Variants in MECOM observed in about 807,000 individuals in gnomAD.
MECOM encodes the protein histone-lysine N-methyltransferase MECOM.
A neutral mutation model predicts 116.3 loss-of-function variants in MECOM; 13 were observed. The ratio of observed to expected loss-of-function variants is 0.11; its 90% CI spans 0.07 to 0.18. The LOEUF is 0.18. Ranked by LOEUF, MECOM falls within the 10% of genes least tolerant of loss-of-function variation. The probability of loss-of-function intolerance (pLI) is 1.00; values close to 1 mark genes in which losing one functional copy is unlikely to be tolerated. For synonymous variants in MECOM, 528 were observed against 535.2 expected, an observed-to-expected ratio of 0.99 and a Z score of 0.19; for missense variants, 1,299 against 1,509.0, an observed-to-expected ratio of 0.86 and a Z score of 2.31.
intron 2 of MECOM, among the ~76,000 whole-genome samples, chr3:169,189,731 G>A (rs553477091): frequency 3.9e-5 from 6 of 152,036 alleles, no homozygotes; most frequent in South Asian, 4.1e-4. Context: ...CTAAAAGACC[G>A]CTATGTATTA....
At chr3:169,318,932 C>T (rs889361657) in intron 2 of MECOM, among the ~76,000 whole-genome samples, 20 of 151,932 alleles carry the variant, frequency 1.3e-4, no homozygotes, top group South Asian at 6.3e-4. Flanking sequence ...AACCTCGTCG[C>T]TATTAAAAAT....
chr3:169,403,318 G>A (rs981146365), intron 1 of MECOM, among the ~76,000 whole-genome samples: 5 of 152,254 alleles, frequency 3.3e-5, no homozygotes, highest in African/African-American at 9.6e-5. Context: ...AGGGAAAACA[G>A]ACAGAGGGTA....
intron 2 of MECOM, among the ~76,000 whole-genome samples, chr3:169,194,127 T>C (rs1434869252): frequency 6.6e-6 from 1 of 151,992 alleles, no homozygotes; most frequent in East Asian, 1.9e-4. Context: ...CCTTTCAAGA[T>C]GAATAAGCAT....
chr3:169,185,065 T>C (rs1020726637), intron 2 of MECOM, among the ~76,000 whole-genome samples: 2 of 152,188 alleles, frequency 1.3e-5, no homozygotes, highest in African/African-American at 2.4e-5. Context: ...TATATTTCAC[T>C]TTATTTGACG....
chr3:169,567,279 T>G lies in MECOM; in HGVS notation c.37+96057A>C, dbSNP rs113400929. ...CTTAGGATAAGAACCTTAGAATAACTTCTAGTCCAAACCCTTGTTTGACAG... is the reference window on the plus strand; with the variant it reads ...CTTAGGATAAGAACCTTAGAATAACGTCTAGTCCAAACCCTTGTTTGACAG... On this transcript the variant is annotated intron_variant, in intron 1 of 16. Transcript: ENST00000651503. Among the ~76,000 whole-genome samples the G allele has an allele frequency of 4.2e-3, 634 of 152,348 alleles. 8 individuals are homozygous for G. The highest frequency in any genetic ancestry group is 0.015 in the African/African-American group (612 of 41,574).
intron 1 of MECOM, among the ~76,000 whole-genome samples, chr3:169,383,111 G>A (rs448378): frequency 0.53 from 80,962 of 151,756 alleles, 22,034 homozygotes; most frequent in East Asian, 0.87. Flanking sequence ...TATTGTAACA[G>A]ACTATAACAC....
At chr3:169,418,429 T>G (rs921380756) in intron 1 of MECOM, among the ~76,000 whole-genome samples, 1 of 152,174 alleles carries the variant, frequency 6.6e-6, no homozygotes, top group Non-Finnish European at 1.5e-5. Flanking sequence ...TACAAAAACC[T>G]GGTAGAGACA....
At chr3:169,242,980 C>T (rs560170453) in intron 2 of MECOM, among the ~76,000 whole-genome samples, 2 of 152,072 alleles carry the variant, frequency 1.3e-5, no homozygotes, top group South Asian at 2.1e-4. Context: ...CCTTTTACTC[C>T]TATTCCAGCA....
chr3:169,543,673 T>G (rs1760375845), intron 1 of MECOM, among the ~76,000 whole-genome samples: 1 of 152,214 alleles, frequency 6.6e-6, no homozygotes, highest in African/African-American at 2.4e-5. Flanking sequence ...ATGTGTTCAT[T>G]TTATATTTTA....
At chr3:169,652,369 T>C (rs1330260371) in intron 1 of MECOM, among the ~76,000 whole-genome samples, 2 of 152,210 alleles carry the variant, frequency 1.3e-5, no homozygotes, top group East Asian at 3.8e-4. Context: ...GTAAAGTCTA[T>C]GCTAAGCATA....
chr3:169,224,821 C>T (rs953543258), intron 2 of MECOM, among the ~76,000 whole-genome samples: 4 of 152,278 alleles, frequency 2.6e-5, no homozygotes, highest in Middle Eastern at 6.8e-3. Context: ...GTAAGACCAT[C>T]CAGCACTTGG....
intron 2 of MECOM, among the ~76,000 whole-genome samples, chr3:169,322,840 A>G (rs1350275897): frequency 2.6e-5 from 4 of 151,848 alleles, no homozygotes; most frequent in African/African-American, 9.7e-5. Flanking sequence ...TCTAATAAAA[A>G]TACAAAAATT....
At position 169,534,642 on chromosome 3, in the gene MECOM, A is replaced by G. The variant is rs950198135; in HGVS notation, c.37+128694T>C. On this transcript the variant is annotated intron_variant, in intron 1 of 16. Transcript: ENST00000651503. ...TTTTTCCTGCAGTCTGGTATGGCCA[A>G]TTATTTACATAATGAGCAAACTCGT... Among the ~76,000 whole-genome samples the G allele has an allele frequency of 3.9e-5, 6 of 151,930 alleles. No individual in the cohort carries two copies. The East Asian group carries it at 1.2e-3, about 29-fold the overall frequency.
At chr3:169,453,631 G>A (rs897713514) in intron 1 of MECOM, among the ~76,000 whole-genome samples, 5 of 152,080 alleles carry the variant, frequency 3.3e-5, no homozygotes, top group South Asian at 2.1e-4. Context: ...GCATAAACAC[G>A]GGCACTTCAT....
chr3:169,335,645 G>T (rs986714303), intron 2 of MECOM, among the ~76,000 whole-genome samples: 2 of 152,040 alleles, frequency 1.3e-5, no homozygotes, highest in Admixed American at 1.3e-4. Flanking sequence ...ACAGTTGATA[G>T]GACTTAAAAT....
intron 1 of MECOM, among the ~76,000 whole-genome samples, chr3:169,505,649 G>A (rs1755119152): frequency 6.6e-6 from 1 of 152,172 alleles, no homozygotes; most frequent in Non-Finnish European, 1.5e-5. Flanking sequence ...GCTAACTATA[G>A]TCATCAGTCT....
intron 1 of MECOM, among the ~76,000 whole-genome samples, chr3:169,412,414 T>TA (rs1359936142): frequency 1.3e-5 from 2 of 152,098 alleles, no homozygotes; most frequent in African/African-American, 4.8e-5. Context: ...CTGTTTTCCA[T>TA]AAAAAGAAAG....
At chr3:169,280,204 C>T (rs1410655948) in intron 2 of MECOM, among the ~76,000 whole-genome samples, 1 of 152,184 alleles carries the variant, frequency 6.6e-6, no homozygotes, top group Non-Finnish European at 1.5e-5. Flanking sequence ...TGTAAGCATG[C>T]CATTGGTCAA....
intron 9 of MECOM, among the ~76,000 whole-genome samples, chr3:169,111,794 A>G (rs1727488970): frequency 6.6e-6 from 1 of 152,104 alleles, no homozygotes; most frequent in Admixed American, 6.5e-5. Context: ...AAAAAATACA[A>G]AAGAGGTAAC....
Sources: allele counts gnomAD v4.1 joint callset (sites outside exome capture counted in the v4.1 genomes callset), GRCh38; gene constraint gnomAD v4.1.1; transcripts MANE v1.5; gene names NCBI Gene and HGNC (gene_info 2026-07-23, HGNC 2026-07-21).